ULK4: variants seen among roughly 807,000 people sequenced by gnomAD.
ULK4 encodes the protein inactive serine/threonine-protein kinase ULK4.
In ULK4, 133 loss-of-function variants were observed where a neutral mutation model predicts 160.6. That is an observed-to-expected ratio of 0.83 (90% CI 0.72 to 0.96). ULK4 has a LOEUF of 0.96. ULK4 is among the 40% of genes least tolerant of loss of function. ULK4 has a pLI of 0.00. For missense variants in ULK4, 1,580 were observed against 1,499.5 expected (o/e 1.05, Z -0.89); for synonymous variants, 534 against 539.8 (o/e 0.99, Z 0.15).
intron 34 of ULK4, among the ~76,000 whole-genome samples, chr3:41,418,343 G>A (rs1359323599): frequency 1.1e-5 from 1 of 94,408 alleles, no homozygotes; most frequent in South Asian, 4.3e-4. Flanking sequence ...TTAATTTGGC[G>A]GGGGGGGGGG....
intron 35 of ULK4, among the ~76,000 whole-genome samples, chr3:41,321,308 C>T (rs953768004): frequency 2.0e-5 from 3 of 152,106 alleles, no homozygotes; most frequent in African/African-American, 7.2e-5. Context: ...ACAACTTTTC[C>T]GTGTAGAAAC....
At chr3:41,577,244 C>A (rs2088221856) in intron 31 of ULK4, among the ~76,000 whole-genome samples, 1 of 152,188 alleles carries the variant, frequency 6.6e-6, no homozygotes, top group Non-Finnish European at 1.5e-5. Flanking sequence ...CTGCCCCAAA[C>A]CAGCTGGAAA....
chr3:41,706,167 C>T lies in ULK4; in HGVS notation c.2635-862G>A, dbSNP rs769965002. On this transcript the variant is annotated intron_variant, in intron 25 of 36. Coordinates refer to ENST00000301831, the MANE Select transcript of ULK4 (RefSeq NM_017886.4). ...GTTTGAGAGGAAGGCCTTAGTAGCT[C>T]GGCTGTGAGCTCTGAGGCCTCAGCT... 2.0e-5 allele frequency among the ~76,000 whole-genome samples: 3 copies of T among 151,670 alleles called. No homozygotes were observed. The South Asian group carries it at 6.2e-4, about 32-fold the overall frequency.
intron 21 of ULK4, among the ~76,000 whole-genome samples, chr3:41,781,289 T>C (rs1351065704): frequency 1.3e-5 from 2 of 151,724 alleles, no homozygotes; most frequent in Non-Finnish European, 2.9e-5. Flanking sequence ...TGGTGGCGGG[T>C]GCCTGTAGTC....
intron 35 of ULK4, among the ~76,000 whole-genome samples, chr3:41,362,690 G>C (rs1171612472): frequency 6.6e-6 from 1 of 152,140 alleles, no homozygotes; most frequent in African/African-American, 2.4e-5. Flanking sequence ...GACCAGCCCA[G>C]AGACAGCAAA....
At chr3:41,383,957 T>C (rs2125798083) in intron 35 of ULK4, among the ~76,000 whole-genome samples, 1 of 152,302 alleles carries the variant, frequency 6.6e-6, no homozygotes, top group African/African-American at 2.4e-5. Context: ...GTTCCATAAA[T>C]ATTATCAAAA....
At chr3:41,488,704 T>C (rs2084635666) in intron 32 of ULK4, among the ~76,000 whole-genome samples, 1 of 152,208 alleles carries the variant, frequency 6.6e-6, no homozygotes, top group South Asian at 2.1e-4. Context: ...AGTGAAACTC[T>C]TGCTACATTC....
intron 7 of ULK4, among the ~76,000 whole-genome samples, chr3:41,916,573 T>A (rs1698973078): frequency 6.6e-6 from 1 of 152,084 alleles, no homozygotes; most frequent in African/African-American, 2.4e-5. Context: ...TTATTTTTTA[T>A]AGAGATGGGG....
intron 35 of ULK4, among the ~76,000 whole-genome samples, chr3:41,288,935 T>G (rs557551687): frequency 6.6e-6 from 1 of 152,106 alleles, no homozygotes; most frequent in East Asian, 1.9e-4. Context: ...TCTGTTCAGG[T>G]TCACGATGGA....
chr3:41,810,066 C>G (rs1480152707), intron 19 of ULK4, among the ~76,000 whole-genome samples: 7 of 152,152 alleles, frequency 4.6e-5, no homozygotes, highest in Non-Finnish European at 1.0e-4. Context: ...CACTATAGGT[C>G]TAATTCTTTA....
chr3:41,649,321 C>G (rs894215499), intron 30 of ULK4, among the ~76,000 whole-genome samples: 4 of 152,152 alleles, frequency 2.6e-5, no homozygotes, highest in Non-Finnish European at 5.9e-5. Flanking sequence ...GTGGGGCCAG[C>G]AAGAGGCAGG....
intron 27 of ULK4, among the ~76,000 whole-genome samples, chr3:41,702,482 A>G (rs557910741): frequency 2.0e-5 from 3 of 152,316 alleles, no homozygotes; most frequent in Middle Eastern, 6.8e-3. Context: ...TGATGTTTCT[A>G]TTACATAGAT....
intron 18 of ULK4, among the ~76,000 whole-genome samples, chr3:41,834,038 T>C (rs2041680627): frequency 6.6e-6 from 1 of 151,188 alleles, no homozygotes; most frequent in Admixed American, 6.6e-5. Flanking sequence ...GAAATTATAT[T>C]TGTATTTTAT....
intron 16 of ULK4, among the ~76,000 whole-genome samples, chr3:41,887,309 C>T (rs940752831): frequency 6.6e-6 from 1 of 152,210 alleles, no homozygotes; most frequent in African/African-American, 2.4e-5. Context: ...ACCATTGTGT[C>T]ATGACAATTT....
intron 31 of ULK4, among the ~76,000 whole-genome samples, chr3:41,599,565 C>CTTTTTTTTT (rs200055034): frequency 3.1e-5 from 4 of 130,764 alleles, no homozygotes; most frequent in African/African-American, 1.2e-4. Flanking sequence ...TTTTCTTTTT[C>CTTTTTTTTT]TTTTTTTTTT....
chr3:41,822,927 T>C (rs1158079084), intron 18 of ULK4, among the ~76,000 whole-genome samples: 2 of 150,816 alleles, frequency 1.3e-5, no homozygotes, highest in Admixed American at 1.3e-4. Flanking sequence ...TTTCACCATG[T>C]TAGCCAGGAT....
intron 31 of ULK4, among the ~76,000 whole-genome samples, chr3:41,606,623 G>T (rs1419676593): frequency 1.3e-5 from 2 of 151,830 alleles, no homozygotes. Context: ...CTGTATCCTT[G>T]TCAGCACTTG....
intron 17 of ULK4, among the ~76,000 whole-genome samples, chr3:41,855,162 A>C (rs2042306174): frequency 6.6e-6 from 1 of 152,108 alleles, no homozygotes; most frequent in African/African-American, 2.4e-5. Flanking sequence ...CTATGATAAC[A>C]GTAACAATGC....
chr3:41,709,601 G>A lies in ULK4; in HGVS notation c.2635-4296C>T, dbSNP rs190462885. On this transcript the variant is annotated intron_variant, in intron 25 of 36. Coordinates refer to ENST00000301831, the MANE Select transcript of ULK4 (RefSeq NM_017886.4). ...GGGGTTTCACCATGTTGGCCAGGAT[G>A]GTCTCAATCTCCTGACCTCATAATC... Among the ~76,000 whole-genome samples, 259 of 152,166 alleles carry A rather than the reference G, an allele frequency of 1.7e-3. 1 individual carries two copies. The highest frequency in any genetic ancestry group is 2.4e-3 in the Non-Finnish European group (161 of 67,988).
Sources: gnomAD v4.1 joint callset for allele counts (sites outside exome capture counted in the v4.1 genomes callset) on GRCh38, gnomAD v4.1.1 for gene constraint, MANE v1.5 for transcripts, NCBI Gene and HGNC (gene_info 2026-07-23, HGNC 2026-07-21) for gene names.